MAGI2: variants seen among roughly 807,000 people sequenced by gnomAD.
MAGI2 encodes the protein membrane associated guanylate kinase, WW and PDZ domain containing 2, also known as membrane-associated guanylate kinase, WW and PDZ domain-containing protein 2.
A neutral mutation model predicts 133.3 loss-of-function variants in MAGI2; 35 were observed. That is an observed-to-expected ratio of 0.26 (90% CI 0.20 to 0.35). The LOEUF is 0.35. Among genes scored for constraint, MAGI2 ranks in the 10% least tolerant of loss-of-function variants. The pLI is 1.00. For synonymous variants in MAGI2, 729 were observed against 710.6 expected (o/e 1.03, Z -0.41); for missense variants, 1,636 against 1,863.4 (o/e 0.88, Z 2.25).
At chr7:79,205,657 C>T (rs1262203307) in intron 1 of MAGI2, among the ~76,000 whole-genome samples, 1 of 151,324 alleles carries the variant, frequency 6.6e-6, no homozygotes, top group East Asian at 1.9e-4. Context: ...AAAAAAAAGA[C>T]TACAATAATT....
intron 9 of MAGI2, among the ~76,000 whole-genome samples, chr7:78,334,916 T>A (rs1037139805): frequency 1.3e-5 from 2 of 152,176 alleles, no homozygotes; most frequent in African/African-American, 4.8e-5. Context: ...AGCAGAGGTA[T>A]CATGACTTTG....
intron 6 of MAGI2, among the ~76,000 whole-genome samples, chr7:78,375,794 T>C (rs1437344740): frequency 2.0e-5 from 1 of 49,550 alleles, no homozygotes; most frequent in Non-Finnish European, 4.0e-5. Flanking sequence ...AACTAAATTT[T>C]CTTGTAAAAG....
At chr7:78,985,779 T>C (rs1488913982) in intron 2 of MAGI2, among the ~76,000 whole-genome samples, 1 of 152,114 alleles carries the variant, frequency 6.6e-6, no homozygotes, top group Admixed American at 6.6e-5. Flanking sequence ...GTGACCCAAA[T>C]AAAATATTCA....
chr7:79,345,819 G>A (rs906752109), intron 1 of MAGI2, among the ~76,000 whole-genome samples: 1 of 152,040 alleles, frequency 6.6e-6, no homozygotes, highest in Non-Finnish European at 1.5e-5. Context: ...GTGTATGCCT[G>A]AGTTCAAGAT....
intron 1 of MAGI2, among the ~76,000 whole-genome samples, chr7:79,325,259 C>A (rs1839601864): frequency 6.6e-6 from 1 of 152,032 alleles, no homozygotes; most frequent in Admixed American, 6.6e-5. Context: ...CACCATCTTA[C>A]CAGTCCCTAA....
At chr7:79,218,150 T>C (rs1830170119) in intron 1 of MAGI2, among the ~76,000 whole-genome samples, 1 of 151,984 alleles carries the variant, frequency 6.6e-6, no homozygotes, top group African/African-American at 2.4e-5. Flanking sequence ...AGTTGCCCAT[T>C]AAGCTGTAAA....
intron 6 of MAGI2, among the ~76,000 whole-genome samples, chr7:78,425,515 G>A (rs1455660229): frequency 1.3e-5 from 2 of 152,184 alleles, no homozygotes; most frequent in Non-Finnish European, 2.9e-5. Context: ...AATGGTAGGA[G>A]GAGCTAGACA....
chr7:79,024,144 C>CA (rs923994452), intron 1 of MAGI2, among the ~76,000 whole-genome samples: 34 of 152,104 alleles, frequency 2.2e-4, no homozygotes, highest in Admixed American at 2.2e-3. Flanking sequence ...ACATAGAGAC[C>CA]AATGGAACAA....
intron 5 of MAGI2, 171 bp from the exon 6 acceptor site, chr7:78,490,011 C>T (rs1793452866): frequency 2.0e-6 from 1 of 499,742 alleles, no homozygotes; most frequent in Non-Finnish European, 3.5e-6. Context: ...TGCAAGGCAG[C>T]TGTAAATTTG....
intron 1 of MAGI2, among the ~76,000 whole-genome samples, chr7:79,107,501 G>A (rs1168814980): frequency 6.6e-6 from 1 of 152,196 alleles, no homozygotes; most frequent in African/African-American, 2.4e-5. Flanking sequence ...ATCAGTTGAG[G>A]AGATAGATCT....
intron 20 of MAGI2, among the ~76,000 whole-genome samples, chr7:78,123,093 T>C (rs1820622161): frequency 6.6e-6 from 1 of 152,326 alleles, no homozygotes; most frequent in Admixed American, 6.5e-5. Context: ...CTTGACTGAC[T>C]GAAGAAAAGC....
At chr7:79,230,849 G>T (rs1417567163) in intron 1 of MAGI2, among the ~76,000 whole-genome samples, 1 of 145,834 alleles carries the variant, frequency 6.9e-6, no homozygotes. Context: ...TTGGTGTTTT[G>T]GACATGAAGT....
chr7:78,893,052 A>G (rs1796900645), intron 2 of MAGI2, among the ~76,000 whole-genome samples: 1 of 152,086 alleles, frequency 6.6e-6, no homozygotes, highest in Admixed American at 6.6e-5. Flanking sequence ...AAACAACCCC[A>G]TCAAAAAGTG....
intron 1 of MAGI2, among the ~76,000 whole-genome samples, chr7:79,240,014 C>A (rs1044417945): frequency 6.6e-6 from 1 of 152,184 alleles, no homozygotes; most frequent in Admixed American, 6.5e-5. Flanking sequence ...ATCCTTTCAA[C>A]ATCCTCTTAC....
At chr7:79,007,478 T>C (rs1477372294) in intron 1 of MAGI2, among the ~76,000 whole-genome samples, 1 of 152,152 alleles carries the variant, frequency 6.6e-6, no homozygotes, top group African/African-American at 2.4e-5. Context: ...GTAAAAGATA[T>C]GTTACTCTTG....
chr7:78,239,254 T>C (rs1237695905), intron 10 of MAGI2, among the ~76,000 whole-genome samples: 1 of 152,110 alleles, frequency 6.6e-6, no homozygotes, highest in Non-Finnish European at 1.5e-5. Flanking sequence ...TATACAAATA[T>C]CAACTCAAAA....
chr7:78,999,136 T>A (rs972257189), intron 2 of MAGI2, among the ~76,000 whole-genome samples: 1 of 151,732 alleles, frequency 6.6e-6, no homozygotes, highest in African/African-American at 2.4e-5. Flanking sequence ...CAATTTCCTA[T>A]GGAAAGCCTC....
intron 1 of MAGI2, among the ~76,000 whole-genome samples, chr7:79,116,572 C>T (rs1240733674): frequency 6.6e-6 from 1 of 152,154 alleles, no homozygotes; most frequent in Non-Finnish European, 1.5e-5. Flanking sequence ...ACTGTGCACA[C>T]CTTCACCTTG....
intron 3 of MAGI2, among the ~76,000 whole-genome samples, chr7:78,542,191 T>C (rs908431310): frequency 6.6e-6 from 1 of 152,230 alleles, no homozygotes; most frequent in African/African-American, 2.4e-5. Flanking sequence ...TAAAAGCCAT[T>C]CTTACCTTGT....
Sources: allele counts gnomAD v4.1 joint callset (sites outside exome capture counted in the v4.1 genomes callset), GRCh38; gene constraint gnomAD v4.1.1; transcripts MANE v1.5; gene names NCBI Gene and HGNC (gene_info 2026-07-23, HGNC 2026-07-21).